Variants in ANGPT1 observed in about 807,000 individuals in gnomAD.
ANGPT1 encodes angiopoietin 1.
Under a neutral mutation model 62.2 loss-of-function variants are expected in ANGPT1, and 17 were observed. The observed-to-expected ratio is 0.27, with a 90% CI of 0.19 to 0.41. ANGPT1 has a LOEUF of 0.41. Among genes scored for constraint, ANGPT1 ranks in the 10% least tolerant of loss-of-function variants. The pLI is 1.00. For synonymous variants in ANGPT1, 199 were observed against 198.9 expected (o/e 1.00, Z 0.00); for missense variants, 478 against 594.9 (o/e 0.80, Z 2.04).
At chr8:107,312,051 G>GA (rs1814881863) in intron 4 of ANGPT1, among the ~76,000 whole-genome samples, 1 of 136,060 alleles carries the variant, frequency 7.3e-6, no homozygotes, top group Admixed American at 7.8e-5. Flanking sequence ...GCGACAGAGC[G>GA]AGACTCCGTT....
chr8:107,395,085 A>T (rs10955455), intron 1 of ANGPT1, among the ~76,000 whole-genome samples: 22 of 151,988 alleles, frequency 1.4e-4, no homozygotes, highest in Admixed American at 1.0e-3. Flanking sequence ...AAATAGAGTG[A>T]GCTGCCTTCT....
chr8:107,415,514 G>T (rs13268748), intron 1 of ANGPT1, among the ~76,000 whole-genome samples: 1 of 151,936 alleles, frequency 6.6e-6, no homozygotes, highest in Admixed American at 6.6e-5. Flanking sequence ...GCCAGAAAAG[G>T]TTTACTTTAC....
At chr8:107,443,582 G>A (rs539016044) in intron 1 of ANGPT1, among the ~76,000 whole-genome samples, 30 of 151,952 alleles carry the variant, frequency 2.0e-4, no homozygotes, top group African/African-American at 6.8e-4. Flanking sequence ...GCTGAGGCGG[G>A]CGGATCACCT....
At chr8:107,415,932 C>T (rs1239062361) in intron 1 of ANGPT1, among the ~76,000 whole-genome samples, 3 of 152,004 alleles carry the variant, frequency 2.0e-5, no homozygotes, top group South Asian at 2.1e-4. Flanking sequence ...ACAGATGGTT[C>T]GTTGCCATAT....
rs1319737209 is a variant in ANGPT1 at position 107,319,543 on chromosome 8, C to T, written c.808+2353G>A. ...TATAAATTTATAAGTAAAATATTTA[C>T]ATATAATCCTTCAATAAATAATAAA... On this transcript the variant is annotated intron_variant, in intron 4 of 8. Transcript: ENST00000517746. Among the ~76,000 whole-genome samples, 16 of 151,370 alleles carry T rather than the reference C, an allele frequency of 1.1e-4. No individual in the cohort carries two copies. In the East Asian group the frequency reaches 2.9e-3, roughly 27 times the overall value.
chr8:107,445,016 A>G (rs186707532), intron 1 of ANGPT1, among the ~76,000 whole-genome samples: 358 of 152,328 alleles, frequency 2.4e-3, no homozygotes, highest in Non-Finnish European at 3.9e-3. Context: ...AGGAATGGTC[A>G]TTAGAATCCG....
intron 3 of ANGPT1, among the ~76,000 whole-genome samples, chr8:107,324,215 A>ATATATGTGTG (rs1446823991): frequency 1.4e-5 from 2 of 144,772 alleles, no homozygotes; most frequent in African/African-American, 2.6e-5. Context: ...GTATATATAT[A>ATATATGTGTG]TGTGTGTGTG....
intron 7 of ANGPT1, among the ~76,000 whole-genome samples, chr8:107,281,420 T>C (rs1461802783): frequency 6.6e-6 from 1 of 152,190 alleles, no homozygotes; most frequent in African/African-American, 2.4e-5. Context: ...TAGTTTTATA[T>C]TTCAGTCGGA....
rs1189122014 is a variant in ANGPT1, at chr8:107,382,759, A to G, written c.298-35662T>C. On this transcript the variant is annotated intron_variant, in intron 1 of 8. Transcript: ENST00000517746. ...CCCAAACCCCGAAAGTTTTGGAGTA[A>G]ATGAGGTGGAATGATTTGTGAAAGC... is the stretch of plus-strand genomic sequence containing the variant. Among the ~76,000 whole-genome samples, 8 of 152,118 alleles carry G rather than the reference A, an allele frequency of 5.3e-5. No homozygotes were observed. In the East Asian group the frequency reaches 1.5e-3, roughly 29 times the overall value.
chr8:107,485,519 G>A (rs890976061), intron 1 of ANGPT1, among the ~76,000 whole-genome samples: 1 of 152,142 alleles, frequency 6.6e-6, no homozygotes, highest in African/African-American at 2.4e-5. Flanking sequence ...TCCAAGATCA[G>A]ACAAAACGAG....
At chr8:107,446,209 G>GC (rs1332520088) in intron 1 of ANGPT1, among the ~76,000 whole-genome samples, 1 of 152,122 alleles carries the variant, frequency 6.6e-6, no homozygotes, top group Non-Finnish European at 1.5e-5. Context: ...GAGCCACCAC[G>GC]CCCGGCCAAT....
rs201116704 is a variant in ANGPT1 at position 107,301,452 on chromosome 8, A to ATGTG, written c.936+1784_936+1787dup. 3.3e-5 allele frequency among the ~76,000 whole-genome samples: 5 copies of ATGTG among 150,904 alleles called. No individual in the cohort carries two copies. In the South Asian group the frequency reaches 1.0e-3, roughly 32 times the overall value. ...GCTGTGTGTATGGTGTGTGTTTATG[A>ATGTG]TGTGTGTGTGTGTGTGAATTGAATT... On this transcript the variant is annotated intron_variant, in intron 5 of 8. Transcript: ENST00000517746.
rs80058562 is a variant in ANGPT1 at position 107,331,973 on chromosome 8, G to A, written c.575+4177C>T. Among the ~76,000 whole-genome samples, 814 of 152,182 alleles carry A rather than the reference G, an allele frequency of 5.3e-3. 10 individuals carry two copies. Among genetic ancestry groups the A allele is most frequent in the African/African-American group, 0.019 (777 of 41,514 alleles). ...TATTCTTTAGCCTGGCTTTGCTTCC[G>A]CCTTGCAAAAAGTTGGGGTTAAGTC... On this transcript the variant is annotated intron_variant, in intron 3 of 8. Transcript: ENST00000517746.
chr8:107,382,871 G>C (rs186476678), intron 1 of ANGPT1, among the ~76,000 whole-genome samples: 3 of 152,278 alleles, frequency 2.0e-5, no homozygotes, highest in Non-Finnish European at 4.4e-5. Flanking sequence ...TTATGAATTT[G>C]CCTGTGCATC....
At chr8:107,283,226 G>A (rs1814058475) in intron 7 of ANGPT1, among the ~76,000 whole-genome samples, 2 of 152,116 alleles carry the variant, frequency 1.3e-5, no homozygotes, top group East Asian at 1.9e-4. Flanking sequence ...TGGTTTTCTT[G>A]TTATAAAACT....
intron 5 of ANGPT1, chr8:107,295,564 C>CA (rs1352203861): frequency 6.6e-6 from 1 of 152,048 alleles, no homozygotes; most frequent in Non-Finnish European, 1.5e-5. Flanking sequence ...ATTAAGGAGA[C>CA]AGAGTTCACA....
At chr8:107,363,503 T>C (rs1311868075) in intron 1 of ANGPT1, among the ~76,000 whole-genome samples, 1 of 152,178 alleles carries the variant, frequency 6.6e-6, no homozygotes, top group Non-Finnish European at 1.5e-5. Context: ...TAATAAGTTT[T>C]GGACTCTGTT....
intron 1 of ANGPT1, among the ~76,000 whole-genome samples, chr8:107,466,813 G>A (rs1812211085): frequency 6.6e-6 from 1 of 152,032 alleles, no homozygotes; most frequent in South Asian, 2.1e-4. Flanking sequence ...TTAGGAGGCT[G>A]AGATAAGAGA....
At position 107,297,781 on chromosome 8, in the gene ANGPT1, G is replaced by A. The variant is rs981805151; in HGVS notation, c.937-3744C>T. 7.4e-5 allele frequency among the ~76,000 whole-genome samples: 11 copies of A among 147,694 alleles called. No individual in the cohort carries two copies. In the East Asian group the frequency reaches 1.2e-3, roughly 16 times the overall value. On this transcript the variant is annotated intron_variant, in intron 5 of 8. Coordinates refer to ENST00000517746, the MANE Select transcript of ANGPT1 (RefSeq NM_001146.5). ...TATATATATATATACACACACACAC[G>A]CATACATATATCTATATTTAAGAGG...
Sources: allele counts gnomAD v4.1 joint callset (sites outside exome capture counted in the v4.1 genomes callset), GRCh38; gene constraint gnomAD v4.1.1; transcripts MANE v1.5; gene names NCBI Gene and HGNC (gene_info 2026-07-23, HGNC 2026-07-21).